AFMID: variants seen among roughly 807,000 people sequenced by gnomAD.
AFMID encodes kynurenine formamidase.
In AFMID, 39 loss-of-function variants were observed where a neutral mutation model predicts 47.5. That is an observed-to-expected ratio of 0.82 (90% CI 0.64 to 1.07). AFMID has a LOEUF of 1.07. Among genes scored for constraint, AFMID ranks in the 50% least tolerant of loss-of-function variants. The pLI is 0.00. For synonymous variants in AFMID, 130 were observed against 153.2 expected (o/e 0.85, Z 1.12); for missense variants, 375 against 387.5 (o/e 0.97, Z 0.27).
At chr17:78,206,200 G>A (rs924991415) in intron 10 of AFMID, 150 bp downstream of exon 10, 13 of 655,928 alleles carry the variant, frequency 2.0e-5, no homozygotes, top group Non-Finnish European at 2.9e-5. Flanking sequence ...TTAGCCAGAT[G>A]TGATGGTACG....
Position 78,200,176 on chromosome 17 carries a change from T to C in AFMID, c.155-2323T>C, listed in dbSNP as rs188344054. 4.9e-4 allele frequency among the ~76,000 whole-genome samples: 75 copies of C among 152,178 alleles called. 2 individuals are homozygous for C. Among genetic ancestry groups the C allele is most frequent in the African/African-American group, 1.7e-3 (70 of 41,484 alleles). On this transcript the variant is annotated intron_variant, in intron 2 of 10. Coordinates refer to ENST00000409257, the MANE Select transcript of AFMID (RefSeq NM_001010982.5). ...GTTTGGTTTGGTTTGGTTTGTTTGA[T>C]ACAGAGTCTTGCTCTGTCGCCCAGG...
At chr17:78,188,862 G>A (rs2075880899) in intron 1 of AFMID, among the ~76,000 whole-genome samples, 1 of 152,164 alleles carries the variant, frequency 6.6e-6, no homozygotes, top group African/African-American at 2.4e-5. Context: ...CTCCCAAAGT[G>A]CTGGGTTTAC....
chr17:78,195,870 G>A (rs1170869568), intron 2 of AFMID, among the ~76,000 whole-genome samples: 2 of 150,522 alleles, frequency 1.3e-5, no homozygotes, highest in African/African-American at 2.4e-5. Flanking sequence ...TTTTGAGACG[G>A]AGTCTTGCTC....
intron 2 of AFMID, chr17:78,197,585 C>T (rs1055102233): frequency 4.0e-5 from 8 of 199,388 alleles, no homozygotes; most frequent in Non-Finnish European, 5.2e-5. Context: ...TTGTTATAGC[C>T]GCCCAGGCTG....
At chr17:78,187,743 G>C (rs1490740082) in intron 1 of AFMID, among the ~76,000 whole-genome samples, 1 of 152,046 alleles carries the variant, frequency 6.6e-6, no homozygotes, top group African/African-American at 2.4e-5. Flanking sequence ...CACGAGGTCA[G>C]GAGTTCGAGA....
Position 78,205,427 on chromosome 17 carries a change from TG to T in AFMID, c.566-12del, listed in dbSNP as rs2076353279. 2 of 1,613,998 alleles carry T rather than the reference TG, an allele frequency of 1.2e-6. No individual in the cohort carries two copies. The highest frequency in any genetic ancestry group is 1.7e-6 in the Non-Finnish European group (2 of 1,179,824). ...CTGGAGCCTGGCCCTGTGACAATTC[TG>T]TACCTTCACAGGCTTTTTCCTGGTG... On this transcript the variant is annotated splice_polypyrimidine_tract_variant and intron_variant, in intron 7 of 10. Transcript: ENST00000409257.
intron 2 of AFMID, among the ~76,000 whole-genome samples, chr17:78,198,257 A>G (rs1388230248): frequency 2.0e-5 from 3 of 151,970 alleles, no homozygotes; most frequent in Non-Finnish European, 4.4e-5. Context: ...CAGGAGTTCC[A>G]GACCAGCCTG....
intron 2 of AFMID, among the ~76,000 whole-genome samples, chr17:78,201,030 T>C (rs8071256): frequency 0.035 from 5,241 of 151,774 alleles, 239 homozygotes; most frequent in East Asian, 0.23. Flanking sequence ...AGAATCTCGC[T>C]CTGTCACCCA....
intron 1 of AFMID, among the ~76,000 whole-genome samples, chr17:78,188,385 C>T (rs559867622): frequency 2.8e-4 from 43 of 152,126 alleles, no homozygotes; most frequent in Non-Finnish European, 5.0e-4. Context: ...TTATTTTACT[C>T]GCATGCTTTA....
chr17:78,197,359 G>C, intron 2 of AFMID: 1 of 680,608 alleles, frequency 1.5e-6, no homozygotes, highest in Non-Finnish European at 2.5e-6. Context: ...CTTGCAAGTG[G>C]TATGGTAATG....
intron 10 of AFMID, 141 bp downstream of exon 10, chr17:78,206,191 T>A: frequency 3.0e-6 from 2 of 676,538 alleles, no homozygotes; most frequent in South Asian, 1.8e-5. Context: ...CAAAACAAAT[T>A]AGCCAGATGT....
At position 78,191,047 on chromosome 17, in the gene AFMID, G is replaced by A. The variant is rs755166144; in HGVS notation, c.141G>A (p.Gln47=). The A allele has an allele frequency of 4.3e-6, 7 of 1,613,894 alleles. No individual in the cohort carries two copies. In the South Asian group the frequency reaches 6.6e-5, roughly 15 times the overall value. The change falls in exon 2 of 11, where the codon CAG becomes CAA. Residue 47 remains glutamine (Q), a synonymous_variant. Transcript: ENST00000409257. The part of the protein sequence containing the change: ...GAEEALRTYS[Q]IGIEATTRAR... ...AGGAAGCCTTGAGGACCTACTCACA[G>A]ATAGGAATTGAAGGTACTAGTGTGA...
At chr17:78,195,338 A>T (rs920993530) in intron 2 of AFMID, among the ~76,000 whole-genome samples, 14 of 148,628 alleles carry the variant, frequency 9.4e-5, no homozygotes, top group African/African-American at 3.5e-4. Flanking sequence ...GGGATTGCAG[A>T]TGTGCACCAC....
At chr17:78,196,651 C>T (rs8066979) in intron 2 of AFMID, among the ~76,000 whole-genome samples, 3 of 151,932 alleles carry the variant, frequency 2.0e-5, no homozygotes, top group Non-Finnish European at 2.9e-5. Context: ...TGCACTCCAG[C>T]CTGGGCAACA....
chr17:78,204,695 A>C lies in AFMID; in HGVS notation c.348A>C (p.Ala116=), dbSNP rs751271068. The part of the protein sequence containing the change: ...ESAFMVHPLT[A]QGVAVVIVAY... ...CCTTCATGGTCCACCCGCTGACGGC[A>C]CAGGGAGTGGCCGTGGTAATAGTGG... Residue 116 remains alanine (A), a synonymous_variant, in exon 5 of 11, where the codon GCA becomes GCC. Coordinates refer to ENST00000409257, the MANE Select transcript of AFMID (RefSeq NM_001010982.5). 4 of 1,614,190 alleles carry C rather than the reference A, an allele frequency of 2.5e-6. No homozygotes were observed. Among genetic ancestry groups the C allele is most frequent in the Non-Finnish European group, 3.4e-6 (4 of 1,180,038 alleles).
chr17:78,197,240 A>AG (rs2076137510), intron 2 of AFMID: 1 of 1,544,940 alleles, frequency 6.5e-7, no homozygotes, highest in Non-Finnish European at 8.7e-7. Context: ...GTGCTGGGGC[A>AG]GGGTTGTTGG....
rs1599014622 is a variant in AFMID at position 78,204,566 on chromosome 17, C to T, written c.309-90C>T. ...AGAAAGGGGTGATGCTGTGCGTGGACAGGACATCTGGCAAGTGGTGTGTCC... is the reference window on the plus strand; with the variant it reads ...AGAAAGGGGTGATGCTGTGCGTGGATAGGACATCTGGCAAGTGGTGTGTCC... On this transcript the variant is annotated intron_variant, in intron 4 of 10. Coordinates refer to ENST00000409257, the MANE Select transcript of AFMID (RefSeq NM_001010982.5). 3.1e-6 allele frequency: 4 copies of T among 1,270,684 alleles called. No homozygotes were observed. The East Asian group carries it at 9.4e-5, about 30-fold the overall frequency. 78.7% of individuals were successfully genotyped at this position (1,270,684 alleles called of 1,614,324 possible).
intron 2 of AFMID, among the ~76,000 whole-genome samples, chr17:78,198,311 C>T (rs945726693): frequency 6.6e-6 from 1 of 151,768 alleles, no homozygotes; most frequent in Middle Eastern, 3.4e-3. Flanking sequence ...TACAAAAATT[C>T]GCCTGGGCCA....
At chr17:78,205,923 C>T (rs777969377) in intron 9 of AFMID, 23 bp from the exon 10 acceptor site, 1 of 1,612,302 alleles carries the variant, frequency 6.2e-7, no homozygotes, top group Non-Finnish European at 8.5e-7. Flanking sequence ...TCAGGCCCCT[C>T]TTCCCATGTC....
Sources: allele counts gnomAD v4.1 joint callset (sites outside exome capture counted in the v4.1 genomes callset), GRCh38; gene constraint gnomAD v4.1.1; transcripts MANE v1.5; gene names NCBI Gene and HGNC (gene_info 2026-07-23, HGNC 2026-07-21).